ATG2B: variants seen among roughly 807,000 people sequenced by gnomAD.
ATG2B encodes autophagy-related protein 2 homolog B.
ATG2B carries 121 observed loss-of-function variants against 241.3 expected under a neutral mutation model. The ratio of observed to expected loss-of-function variants is 0.50; its 90% confidence interval spans 0.43 to 0.58. ATG2B has a LOEUF of 0.58. ATG2B is among the 20% of genes least tolerant of loss of function. The probability of loss-of-function intolerance (pLI) is 0.00; values close to 1 mark genes in which losing one functional copy is unlikely to be tolerated. For missense variants in ATG2B, 2,306 were observed against 2,491.6 expected (o/e 0.93, Z 1.59); for synonymous variants, 858 against 876.6 (o/e 0.98, Z 0.37).
Position 96,301,870 on chromosome 14 carries a change from C to T in ATG2B, c.5139+137G>A, listed in dbSNP as rs554822958. On this transcript the variant is annotated intron_variant, in intron 34 of 41. Transcript: ENST00000359933. Reference sequence around the variant, plus strand: ...GATTCCAAACATCTAATGAATTTGCCCTATTCTTTATCAGAAGTTTGCTTT... The same window carrying T: ...GATTCCAAACATCTAATGAATTTGCTCTATTCTTTATCAGAAGTTTGCTTT... 40 of 635,432 alleles carry T rather than the reference C, an allele frequency of 6.3e-5. No individual in the cohort carries two copies. In the East Asian group the frequency reaches 9.8e-4, roughly 16 times the overall value. 39.4% of individuals were successfully genotyped at this position (635,432 alleles called of 1,614,324 possible).
chr14:96,343,220 C>A lies in ATG2B; in HGVS notation c.643G>T (p.Ala215Ser). Residue 215 changes from alanine to serine, a missense_variant, in exon 5 of 42, where the codon GCT becomes TCT. Coordinates refer to ENST00000359933, the MANE Select transcript of ATG2B (RefSeq NM_018036.7). ...SSGINVHQPT[A>S]FAHKLLQLSG... The stretch of plus-strand genomic sequence containing the variant: ...AGCTGAAGTAACTTGTGAGCAAAAG[C>A]AGTGGGTTGATGCACATTAATTCCT... 1 of 1,612,044 alleles carries A rather than the reference C, an allele frequency of 6.2e-7. No individual in the cohort carries two copies.
At chr14:96,362,046 C>A (rs1422827268) in intron 1 of ATG2B, among the ~76,000 whole-genome samples, 1 of 151,946 alleles carries the variant, frequency 6.6e-6, no homozygotes, top group Non-Finnish European at 1.5e-5. Context: ...TGTGGTGAGT[C>A]GAAATTCAGA....
Position 96,329,653 on chromosome 14 carries a change from C to A in ATG2B, c.1731-19G>T. 2 of 1,524,330 alleles carry A rather than the reference C, an allele frequency of 1.3e-6. No individual in the cohort carries two copies. The highest frequency in any genetic ancestry group is 1.8e-6 in the Non-Finnish European group (2 of 1,110,242). The allele number at this position is 1,524,330 out of a possible 1,614,324, so 94.4% of individuals were successfully genotyped here. A position where few individuals can be genotyped will look rare whatever the true frequency, so the allele number is the denominator to read the frequency against. Reference sequence around the variant, plus strand: ...TATAAATCTATTATAAAAAATGCACCATTTAAGATTATTAGTGTTAAAATG... The same window carrying A: ...TATAAATCTATTATAAAAAATGCACAATTTAAGATTATTAGTGTTAAAATG... On this transcript the variant is annotated intron_variant, in intron 11 of 41. Coordinates refer to ENST00000359933, the MANE Select transcript of ATG2B (RefSeq NM_018036.7).
rs115996426 is a variant in ATG2B, at chr14:96,295,609, T to C, written c.5140-49A>G. 2,129 of 1,246,918 alleles carry C rather than the reference T, an allele frequency of 1.7e-3. 34 individuals carry two copies. In the African/African-American group the frequency reaches 0.029, roughly 17 times the overall value. The allele number at this position is 1,246,918 out of a possible 1,614,324, so 77.2% of individuals were successfully genotyped here. A position where few individuals can be genotyped will look rare whatever the true frequency, so the allele number is the denominator to read the frequency against. On this transcript the variant is annotated intron_variant, in intron 34 of 41. Coordinates refer to ENST00000359933, the MANE Select transcript of ATG2B (RefSeq NM_018036.7). The stretch of plus-strand genomic sequence containing the variant: ...AACTAAGGAAGAAAAGAATCACCTA[T>C]TTCTAAAACTATGAAACAAAGTATC...
rs991609284 is a variant in ATG2B at position 96,333,897 on chromosome 14, A to G, written c.1022-24T>C. ...TTCTATAAGCATACAAAAGGAAACC[A>G]AAACAGTAATTAAATTTGGAGTTAA... On this transcript the variant is annotated intron_variant, in intron 7 of 41. Transcript: ENST00000359933. 2.5e-6 allele frequency: 4 copies of G among 1,592,060 alleles called. No individual in the cohort carries two copies. In the African/African-American group the frequency reaches 5.4e-5, roughly 21 times the overall value.
chr14:96,311,019 A>G (rs1297009126), intron 28 of ATG2B, 98 bp downstream of exon 28: 6 of 1,137,618 alleles, frequency 5.3e-6, no homozygotes, highest in South Asian at 2.4e-5. Flanking sequence ...AATGACTTTC[A>G]AAGTTTCTTT....
At position 96,332,375 on chromosome 14, in the gene ATG2B, A is replaced by G. The variant is rs781418209; in HGVS notation, c.1398T>C (p.His466=). The stretch of plus-strand genomic sequence containing the variant: ...TTGACCCTCTTACTGGCTGTTCTTT[A>G]TGATGATCAAGGAACTCTCCCCAAG... The part of the protein sequence containing the change: ...QPTWGEFLDH[H]KEQPVRGSTF... Residue 466 remains histidine (H), a synonymous_variant, in exon 10 of 42, where the codon CAT becomes CAC. Coordinates refer to ENST00000359933, the MANE Select transcript of ATG2B (RefSeq NM_018036.7). 4 of 1,613,760 alleles carry G rather than the reference A, an allele frequency of 2.5e-6. No homozygotes were observed. The highest frequency in any genetic ancestry group is 3.4e-6 in the Non-Finnish European group (4 of 1,179,788).
chr14:96,317,729 A>C lies in ATG2B; in HGVS notation c.3006T>G (p.Ser1002Arg), dbSNP rs781635707. ...GAACTGCAGATTTAAATGCACTAAA[A>C]CTATCTTTGTTGAAAGTATTAATGA... is the stretch of plus-strand genomic sequence containing the variant. ...SQLINTFNKD[S>R]FSAFKSAVHY... The change falls in exon 19 of 42, where the codon AGT becomes AGG. Residue 1002 changes from serine to arginine, a missense_variant. Ser to Arg is a moderately radical substitution (Grantham distance 110, BLOSUM62 -1). Transcript: ENST00000359933. 6.2e-7 allele frequency: 1 copy of C among 1,611,528 alleles called. No homozygotes were observed. Among genetic ancestry groups the C allele is most frequent in the South Asian group, 1.1e-5 (1 of 90,554 alleles).
At chr14:96,319,411 A>G (rs938047627) in intron 18 of ATG2B, among the ~76,000 whole-genome samples, 3 of 152,320 alleles carry the variant, frequency 2.0e-5, no homozygotes, top group African/African-American at 7.2e-5. Context: ...ATTTAATGAA[A>G]GCAATTAGAA....
At chr14:96,308,149 TACAC>T (rs977476861) in intron 29 of ATG2B, among the ~76,000 whole-genome samples, 2 of 144,384 alleles carry the variant, frequency 1.4e-5, no homozygotes, top group South Asian at 4.3e-4. Flanking sequence ...TATATACATA[TACAC>T]ACACACACAT....
chr14:96,309,452 C>A lies in ATG2B; in HGVS notation c.4303+1G>T. On this transcript the variant is annotated splice_donor_variant, in intron 29 of 41. Transcript: ENST00000359933. LOFTEE classifies it high-confidence loss of function. The stretch of plus-strand genomic sequence containing the variant: ...CTCCCTGAGAAGAGTCCTGGTCTTA[C>A]CATTAGCCTGTGGTTTTACTGACGA... 6.2e-7 allele frequency: 1 copy of A among 1,613,478 alleles called. No individual in the cohort carries two copies. The highest frequency in any genetic ancestry group is 1.1e-5 in the South Asian group (1 of 90,978).
In ATG2B at chr14:96,284,331, T is replaced by G. The variant is rs1186312726; in HGVS notation, c.*1424A>C. 6.6e-6 allele frequency: 1 copy of G among 152,244 alleles called. No individual in the cohort carries two copies. Among genetic ancestry groups the G allele is most frequent in the African/African-American group, 2.4e-5 (1 of 41,462 alleles). The allele number at this position is 152,244 out of a possible 1,614,324, so 9.4% of individuals were successfully genotyped here. On this transcript the variant is annotated 3_prime_UTR_variant, in exon 42 of 42. Coordinates refer to ENST00000359933, the MANE Select transcript of ATG2B (RefSeq NM_018036.7). The stretch of plus-strand genomic sequence containing the variant: ...TAAAAAGGAAACTAAAATTAAAAGC[T>G]ATATAACCCCATTTTTATAAATTCT...
intron 8 of ATG2B, 140 bp downstream of exon 8, chr14:96,333,548 T>C (rs574941993): frequency 1.4e-6 from 1 of 737,252 alleles, no homozygotes; most frequent in Admixed American, 3.0e-5. Flanking sequence ...TAATCGTAAA[T>C]TAAAAGTTGT....
rs1375584555 is a variant in ATG2B, at chr14:96,279,945, C to G, written c.*5810G>C. ...CAATGCACAGGCTGGTCCCAAATGT[C>G]AACTGCTGAGGTGGAGAAACCCGAC... is the stretch of plus-strand genomic sequence containing the variant. On this transcript the variant is annotated 3_prime_UTR_variant, in exon 42 of 42. Coordinates refer to ENST00000359933, the MANE Select transcript of ATG2B (RefSeq NM_018036.7). 2.0e-5 allele frequency: 3 copies of G among 152,446 alleles called. No homozygotes were observed. Among genetic ancestry groups the G allele is most frequent in the Admixed American group, 6.5e-5 (1 of 15,290 alleles). The allele number at this position is 152,446 out of a possible 1,614,324, so 9.4% of individuals were successfully genotyped here. A position where few individuals can be genotyped will look rare whatever the true frequency, so the allele number is the denominator to read the frequency against.
At chr14:96,345,952 G>T (rs1201001804) in intron 2 of ATG2B, among the ~76,000 whole-genome samples, 1 of 152,056 alleles carries the variant, frequency 6.6e-6, no homozygotes, top group Middle Eastern at 3.2e-3. Flanking sequence ...GTTGAAAGTA[G>T]AAAAAATAAT....
chr14:96,290,216 G>C lies in ATG2B; in HGVS notation c.5856+220C>G. On this transcript the variant is annotated intron_variant, in intron 40 of 41. Transcript: ENST00000359933. The surrounding 1 kb of genome is among the most constrained non-coding windows in gnomAD (Gnocchi z 4.4). ...CTAACTTAATGTTTACAATTTACCT[G>C]AAATAGGCAAACAAATCTGACACTG... is the stretch of plus-strand genomic sequence containing the variant. The C allele has an allele frequency of 2.3e-6, 3 of 1,300,740 alleles. No homozygotes were observed. The South Asian group carries it at 6.2e-5, about 27-fold the overall frequency. 80.6% of individuals were successfully genotyped at this position (1,300,740 alleles called of 1,614,324 possible). A position where few individuals can be genotyped will look rare whatever the true frequency, so the allele number is the denominator to read the frequency against.
Position 96,295,098 on chromosome 14 carries a change from T to C in ATG2B, c.5288A>G (p.Asn1763Ser). Residue 1763 changes from asparagine (N) to serine (S), a missense_variant, in exon 36 of 42, where the codon AAT (asparagine) becomes AGT (serine). Physicochemically the swap from Asn to Ser is conservative, Grantham distance 46. Coordinates refer to ENST00000359933, the MANE Select transcript of ATG2B (RefSeq NM_018036.7). ...PRHLSTSKEPNLVISFSGPKQ... is the reference protein window; with the variant it reads ...PRHLSTSKEPSLVISFSGPKQ... ...TGGCCCAGAGAAAGAAATAACCAGA[T>C]TTGGCTCCTTTGAGGTACTCAAATG... The C allele has an allele frequency of 6.2e-7, 1 of 1,614,206 alleles. No individual in the cohort carries two copies. The highest frequency in any genetic ancestry group is 8.5e-7 in the Non-Finnish European group (1 of 1,180,052).
intron 8 of ATG2B, 146 bp downstream of exon 8, chr14:96,333,542 C>G: frequency 1.4e-6 from 1 of 706,334 alleles, no homozygotes; most frequent in Non-Finnish European, 2.3e-6. Flanking sequence ...TTAGATTAAT[C>G]GTAAATTAAA....
rs1245987012 is a variant in ATG2B, at chr14:96,313,360, C to A, written c.3718G>T (p.Val1240Phe). The change falls in exon 24 of 42, where the codon GTT becomes TTT. Residue 1240 changes from valine to phenylalanine, a missense_variant. Val to Phe is a conservative substitution (Grantham distance 50). Coordinates refer to ENST00000359933, the MANE Select transcript of ATG2B (RefSeq NM_018036.7). ...TCAAGTGCACAGCTCCAAAGATGAA[C>A]ATGAAAAGTTGTAAATGAAGTTGGA... is the stretch of plus-strand genomic sequence containing the variant. The part of the protein sequence containing the change: ...NPPTSFTTFH[V>F]HLWSCALDYR... 1.3e-6 allele frequency: 2 copies of A among 1,594,650 alleles called. No individual in the cohort carries two copies. Among genetic ancestry groups the A allele is most frequent in the Non-Finnish European group, 1.7e-6 (2 of 1,174,030 alleles).
Sources: allele counts gnomAD v4.1 joint callset (sites outside exome capture counted in the v4.1 genomes callset), GRCh38; gene constraint gnomAD v4.1.1; non-coding constraint Gnocchi (gnomAD v3.1); transcripts MANE v1.5; gene names NCBI Gene and HGNC (gene_info 2026-07-23, HGNC 2026-07-21).